The following UBE2V1 variants were observed in gnomAD, a reference collection of about 807,000 sequenced individuals.
The protein encoded by UBE2V1 is ubiquitin-conjugating enzyme E2 variant 1.
A neutral mutation model predicts 19.6 loss-of-function variants in UBE2V1; 15 were observed. The ratio of observed to expected loss-of-function variants is 0.77; its 90% CI spans 0.51 to 1.18. The LOEUF (loss-of-function observed/expected upper bound fraction) is 1.18. Among genes scored for constraint, UBE2V1 ranks in the 50% most tolerant of loss-of-function variants. The pLI is 0.00. For missense variants in UBE2V1, 125 were observed against 184.8 expected, an observed-to-expected ratio of 0.68 and a Z score of 1.88; for synonymous variants, 60 against 60.7, an observed-to-expected ratio of 0.99 and a Z score of 0.05.
chr20:50,113,187 C>CG, upstream of UBE2V1: 1 of 1,244,570 alleles, frequency 8.0e-7, no homozygotes, highest in Non-Finnish European at 1.0e-6. Flanking sequence ...ACCCGTCCCC[C>CG]GGCCCTGATG....
upstream of UBE2V1, chr20:50,115,688 C>T: frequency 8.3e-7 from 1 of 1,209,884 alleles, no homozygotes; most frequent in Middle Eastern, 3.1e-4. Context: ...ACTAGAAGAG[C>T]TCATAATTAC....
At chr20:50,104,087 T>A (rs1042147896) in intron 1 of UBE2V1, among the ~76,000 whole-genome samples, 11 of 150,544 alleles carry the variant, frequency 7.3e-5, no homozygotes, top group Non-Finnish European at 1.6e-4. Flanking sequence ...ATCGAGATCA[T>A]CCTGGCCAAC....
intron 2 of UBE2V1, 151 bp from the exon 3 acceptor site, chr20:50,084,405 T>C (rs1240856606): frequency 3.5e-6 from 5 of 1,412,852 alleles, no homozygotes; most frequent in Non-Finnish European, 4.9e-6. Flanking sequence ...TCAGCAGTTC[T>C]ATACTAGTTC....
rs2078640526 is a variant in UBE2V1, at chr20:50,081,442, A to G, written c.*1326T>C. Reference sequence around the variant, plus strand: ...TTAGTGGTCCTGAACAGCAAGTGGAAAGACGCAGCAATTTGCCAGGAGGTC... The same window carrying G: ...TTAGTGGTCCTGAACAGCAAGTGGAGAGACGCAGCAATTTGCCAGGAGGTC... On this transcript the variant is annotated 3_prime_UTR_variant, in exon 4 of 4. Transcript: ENST00000371674. The G allele has an allele frequency of 6.6e-6, 1 of 152,598 alleles. No homozygotes were observed. The highest frequency in any genetic ancestry group is 2.1e-4 in the South Asian group (1 of 4,828). The allele number at this position is 152,598 out of a possible 1,614,324, so 9.5% of individuals were successfully genotyped here.
intron 1 of UBE2V1, among the ~76,000 whole-genome samples, chr20:50,109,353 T>C (rs1041940808): frequency 1.3e-5 from 2 of 151,734 alleles, no homozygotes; most frequent in Non-Finnish European, 2.9e-5. Flanking sequence ...GATAGAGATA[T>C]GAAGAGAAAA....
rs369307976 is a variant in UBE2V1 at position 50,096,657 on chromosome 20, T to C, written c.171+15A>G. On this transcript the variant is annotated intron_variant, in intron 2 of 3. Coordinates refer to ENST00000371674, the MANE Select transcript of UBE2V1 (RefSeq NM_001032288.3). ...TTTAAGACATTGACATTTATAGCCG[T>C]AGCTCGACGCTTACTCTTGGAGGCC... 47 of 1,613,036 alleles carry C rather than the reference T, an allele frequency of 2.9e-5. No homozygotes were observed. The highest frequency in any genetic ancestry group is 3.3e-5 in the Admixed American group (2 of 59,866).
intron 1 of UBE2V1, among the ~76,000 whole-genome samples, chr20:50,098,325 G>A (rs967360539): frequency 6.6e-6 from 1 of 152,186 alleles, no homozygotes; most frequent in Non-Finnish European, 1.5e-5. Flanking sequence ...AGAGCAAGAG[G>A]AGATTAAGGA....
At chr20:50,115,065 CA>C (rs58162069), upstream of UBE2V1, 6,283 of 129,388 alleles carry the variant, frequency 0.049, 120 homozygotes, top group African/African-American at 0.063. Context: ...GATTCAGTCT[CA>C]AAAAAAAAAA....
At chr20:50,090,540 T>C (rs1353101274) in intron 2 of UBE2V1, among the ~76,000 whole-genome samples, 1 of 151,322 alleles carries the variant, frequency 6.6e-6, no homozygotes, top group Non-Finnish European at 1.5e-5. Flanking sequence ...GACATTATGC[T>C]AAGTGAAATC....
Position 50,101,571 on chromosome 20 carries a change from CA to C in UBE2V1, c.23-4752del, listed in dbSNP as rs11481618. On this transcript the variant is annotated intron_variant, in intron 1 of 3. Transcript: ENST00000371674. ...TAGAACTGGACTTCACATTTATAAGCAAAAAAAAAAAAAAAAAAAAAAAAAT... is the reference window on the plus strand; with the variant it reads ...TAGAACTGGACTTCACATTTATAAGCAAAAAAAAAAAAAAAAAAAAAAAAT... Among the ~76,000 whole-genome samples, 592 of 71,144 alleles carry C rather than the reference CA, an allele frequency of 8.3e-3. 2 individuals carry two copies. Among genetic ancestry groups the C allele is most frequent in the African/African-American group, 0.018 (372 of 20,518 alleles). The allele number at this position is 71,144 out of a possible 152,430, so 46.7% of individuals were successfully genotyped here.
intron 1 of UBE2V1, among the ~76,000 whole-genome samples, chr20:50,099,671 T>C (rs1359996531): frequency 6.6e-6 from 1 of 152,190 alleles, no homozygotes; most frequent in Non-Finnish European, 1.5e-5. Flanking sequence ...TAAGCCAAGC[T>C]CCCTCAGCTT....
intron 2 of UBE2V1, among the ~76,000 whole-genome samples, chr20:50,091,018 C>A (rs752308366): frequency 2.0e-5 from 3 of 151,940 alleles, no homozygotes; most frequent in Non-Finnish European, 4.4e-5. Context: ...ACTAAGTTAA[C>A]CTCTTATTCT....
chr20:50,096,940 G>C (rs1412681938), intron 1 of UBE2V1, 120 bp from the exon 2 acceptor site: 2 of 1,488,642 alleles, frequency 1.3e-6, no homozygotes, highest in Non-Finnish European at 1.8e-6. Context: ...AAAAATCACG[G>C]AAAGTTATCA....
intron 2 of UBE2V1, chr20:50,084,531 G>T: frequency 1.8e-6 from 1 of 548,840 alleles, no homozygotes; most frequent in Non-Finnish European, 3.5e-6. Flanking sequence ...CTGTTTTTAT[G>T]TTAATTTCTC....
intron 2 of UBE2V1, chr20:50,095,048 T>TG (rs1484340208): frequency 6.6e-6 from 1 of 152,162 alleles, no homozygotes; most frequent in African/African-American, 2.4e-5. Flanking sequence ...GTTTTGTGTG[T>TG]TTTTTTGAAA....
chr20:50,088,964 G>C (rs1428132464), intron 2 of UBE2V1, among the ~76,000 whole-genome samples: 1 of 152,096 alleles, frequency 6.6e-6, no homozygotes, highest in South Asian at 2.1e-4. Context: ...GTACAATGTG[G>C]GTACATGCTA....
chr20:50,111,579 G>T, intron 1 of UBE2V1: 1 of 1,000,238 alleles, frequency 1.0e-6, no homozygotes, highest in Non-Finnish European at 1.2e-6. Flanking sequence ...CCAAAATCGA[G>T]TAAAAGGATT....
chr20:50,104,655 CA>C (rs113771532), intron 1 of UBE2V1, among the ~76,000 whole-genome samples: 16,290 of 70,740 alleles, frequency 0.23, 618 homozygotes, highest in Admixed American at 0.3. Context: ...GACTCTGGCA[CA>C]AAAAAAAAAA....
chr20:50,115,583 C>G, upstream of UBE2V1: 1 of 1,528,248 alleles, frequency 6.5e-7, no homozygotes, highest in South Asian at 1.2e-5. Context: ...CATCAGTTTC[C>G]CCTTCTATGA....
Sources: allele counts gnomAD v4.1 joint callset (sites outside exome capture counted in the v4.1 genomes callset), GRCh38; gene constraint gnomAD v4.1.1; transcripts MANE v1.5; gene names NCBI Gene and HGNC (gene_info 2026-07-23, HGNC 2026-07-21).